Variants in SUFU observed in about 807,000 individuals in gnomAD.
SUFU encodes the protein suppressor of fused homolog.
SUFU carries 7 observed loss-of-function variants against 58.9 expected under a neutral mutation model. That is an observed-to-expected ratio of 0.12 (90% CI 0.07 to 0.22). The LOEUF is 0.22. Among genes scored for constraint, SUFU ranks in the 10% least tolerant of loss-of-function variants. SUFU has a pLI of 1.00. For missense variants in SUFU, 451 were observed against 641.3 expected, an observed-to-expected ratio of 0.70 and a Z score of 3.20; for synonymous variants, 232 against 254.8, an observed-to-expected ratio of 0.91 and a Z score of 0.85.
chr10:102,538,237 T>G (rs2062763225), intron 2 of SUFU, among the ~76,000 whole-genome samples: 1 of 152,200 alleles, frequency 6.6e-6, no homozygotes, highest in Non-Finnish European at 1.5e-5. Context: ...ACTTGTAATG[T>G]CCTACCACAT....
intron 2 of SUFU, among the ~76,000 whole-genome samples, chr10:102,520,164 AG>A (rs1339125391): frequency 6.7e-6 from 1 of 149,130 alleles, no homozygotes; most frequent in Non-Finnish European, 1.5e-5. Flanking sequence ...TTAAGTCCAT[AG>A]TTTACCTTAG....
chr10:102,524,650 T>C (rs954842942), intron 2 of SUFU, among the ~76,000 whole-genome samples: 4 of 152,216 alleles, frequency 2.6e-5, no homozygotes, highest in Non-Finnish European at 5.9e-5. Flanking sequence ...TTATCACTTC[T>C]GCGATGTCTA....
chr10:102,591,991 G>A (rs993256658), intron 3 of SUFU, among the ~76,000 whole-genome samples: 17 of 152,202 alleles, frequency 1.1e-4, no homozygotes, highest in African/African-American at 4.1e-4. Flanking sequence ...CTCTGCCACG[G>A]TGTGGGAGGC....
intron 10 of SUFU, among the ~76,000 whole-genome samples, chr10:102,624,037 A>G (rs2063765557): frequency 6.6e-6 from 1 of 152,216 alleles, no homozygotes; most frequent in Non-Finnish European, 1.5e-5. Context: ...GAACTGCCAT[A>G]AGGATTCAAT....
At chr10:102,560,090 TG>T (rs1473191635) in intron 3 of SUFU, among the ~76,000 whole-genome samples, 1 of 152,198 alleles carries the variant, frequency 6.6e-6, no homozygotes, top group East Asian at 1.9e-4. Flanking sequence ...GATTTTTTTT[TG>T]TTTTCACATT....
In SUFU at chr10:102,599,216, A is replaced by G. The variant is rs375508901; in HGVS notation, c.911-217A>G. ...CTAGAGGCTGCCCCTGGCTTCTACAAGAATGGTACTCTTCCAACCCAGAGC... is the reference window on the plus strand; with the variant it reads ...CTAGAGGCTGCCCCTGGCTTCTACAGGAATGGTACTCTTCCAACCCAGAGC... On this transcript the variant is annotated intron_variant, in intron 7 of 11. Coordinates refer to ENST00000369902, the MANE Select transcript of SUFU (RefSeq NM_016169.4). Among the ~76,000 whole-genome samples, 22 of 152,304 alleles carry G rather than the reference A, an allele frequency of 1.4e-4. No individual in the cohort carries two copies. In the East Asian group the frequency reaches 3.9e-3, roughly 27 times the overall value.
intron 8 of SUFU, among the ~76,000 whole-genome samples, chr10:102,601,763 GA>G (rs2135894774): frequency 6.6e-6 from 1 of 152,288 alleles, no homozygotes; most frequent in Non-Finnish European, 1.5e-5. Context: ...TCTGGGACCT[GA>G]CCCCATTTCA....
intron 3 of SUFU, among the ~76,000 whole-genome samples, chr10:102,574,497 CA>C (rs756239658): frequency 9.9e-5 from 15 of 152,088 alleles, no homozygotes; most frequent in Admixed American, 4.6e-4. Flanking sequence ...TTTGTAGTGC[CA>C]GCTGTTTGAG....
At chr10:102,542,162 T>C (rs1011131626) in intron 2 of SUFU, among the ~76,000 whole-genome samples, 6 of 144,288 alleles carry the variant, frequency 4.2e-5, no homozygotes, top group East Asian at 2.3e-4. Context: ...AGATGGAGTC[T>C]CACTCTGTTG....
intron 8 of SUFU, among the ~76,000 whole-genome samples, chr10:102,614,557 C>CAAA (rs1158727545): frequency 8.5e-6 from 1 of 117,140 alleles, no homozygotes; most frequent in Non-Finnish European, 1.8e-5. Context: ...GATGCTATCT[C>CAAA]AAAAAAAAAA....
chr10:102,567,254 G>A (rs571356843), intron 3 of SUFU, among the ~76,000 whole-genome samples: 48 of 151,582 alleles, frequency 3.2e-4, no homozygotes, highest in Admixed American at 1.3e-3. Flanking sequence ...CTCGTGATCC[G>A]CCTGCCTCGG....
chr10:102,539,994 G>T (rs1384391917), intron 2 of SUFU, among the ~76,000 whole-genome samples: 1 of 152,098 alleles, frequency 6.6e-6, no homozygotes, highest in Non-Finnish European at 1.5e-5. Flanking sequence ...TTAATGCTCA[G>T]ATTGTTGTTG....
intron 2 of SUFU, among the ~76,000 whole-genome samples, chr10:102,547,243 T>C (rs949105127): frequency 1.3e-5 from 2 of 152,198 alleles, no homozygotes; most frequent in Non-Finnish European, 2.9e-5. Flanking sequence ...GTTTTAACTC[T>C]AGTCAATCTT....
chr10:102,573,677 T>G (rs1219055855), intron 3 of SUFU, among the ~76,000 whole-genome samples: 1 of 152,204 alleles, frequency 6.6e-6, no homozygotes, highest in Non-Finnish European at 1.5e-5. Context: ...TGCTGCAGGC[T>G]ACAACATGGA....
In SUFU at chr10:102,625,343, G is replaced by A. The variant is rs902903161; in HGVS notation, c.1297-1832G>A. 2.0e-5 allele frequency among the ~76,000 whole-genome samples: 3 copies of A among 152,156 alleles called. No individual in the cohort carries two copies. The highest frequency in any genetic ancestry group is 4.8e-5 in the African/African-American group (2 of 41,426). ...CTAAGCCTTGTCTCTGTCCTTGGTC[G>A]GGGCCCTAGCTCCTAGAACAGAGAG... On this transcript the variant is annotated intron_variant, in intron 10 of 11. Transcript: ENST00000369902. The surrounding 1 kb of genome is among the most constrained non-coding windows in gnomAD (Gnocchi z 4.7).
chr10:102,586,987 TTAACA>T (rs1419620131), intron 3 of SUFU, among the ~76,000 whole-genome samples: 2 of 152,266 alleles, frequency 1.3e-5, no homozygotes, highest in Non-Finnish European at 2.9e-5. Context: ...CTTATTTCAC[TTAACA>T]TAATATTATC....
intron 2 of SUFU, among the ~76,000 whole-genome samples, chr10:102,511,683 T>C (rs1202525947): frequency 6.6e-6 from 1 of 152,146 alleles, no homozygotes; most frequent in African/African-American, 2.4e-5. Context: ...TGGGATTGAA[T>C]TGGGCTGTTT....
chr10:102,629,504 CCA>C lies in SUFU; in HGVS notation c.1366-558_1366-557del, dbSNP rs1213689204. Among the ~76,000 whole-genome samples, 1 of 152,228 alleles carries C rather than the reference CCA, an allele frequency of 6.6e-6. No homozygotes were observed. Among genetic ancestry groups the C allele is most frequent in the Non-Finnish European group, 1.5e-5 (1 of 68,042 alleles). On this transcript the variant is annotated intron_variant, in intron 11 of 11. Coordinates refer to ENST00000369902, the MANE Select transcript of SUFU (RefSeq NM_016169.4). This position sits in a 1 kb window ranked among gnomAD's most constrained non-coding sequence, Gnocchi z 4.7. ...CTCAGGCCCAAGGGATCACCTCAAA[CCA>C]CACTTGTCCCACTCTTCTGCTCCCA...
At chr10:102,531,959 CTT>C (rs112325593) in intron 2 of SUFU, among the ~76,000 whole-genome samples, 1 of 146,922 alleles carries the variant, frequency 6.8e-6, no homozygotes. Context: ...CCTGTGAGAA[CTT>C]TTTTTTTTTT....
Sources: allele counts gnomAD v4.1 joint callset (sites outside exome capture counted in the v4.1 genomes callset), GRCh38; gene constraint gnomAD v4.1.1; non-coding constraint Gnocchi (gnomAD v3.1); transcripts MANE v1.5; gene names NCBI Gene and HGNC (gene_info 2026-07-23, HGNC 2026-07-21).